ITGA4: variants seen among roughly 807,000 people sequenced by gnomAD.
The protein encoded by ITGA4 is integrin alpha-4.
Under a neutral mutation model 133.6 loss-of-function variants are expected in ITGA4, and 63 were observed. That is an observed-to-expected ratio of 0.47 (90% CI 0.38 to 0.58). The LOEUF (loss-of-function observed/expected upper bound fraction) is 0.58. Ranked by LOEUF, ITGA4 falls within the 20% of genes least tolerant of loss-of-function variation. The probability of loss-of-function intolerance (pLI) is 0.00; values close to 1 mark genes in which losing one functional copy is unlikely to be tolerated. For missense variants in ITGA4, 1,076 were observed against 1,252.7 expected, an observed-to-expected ratio of 0.86 and a Z score of 2.13; for synonymous variants, 483 against 438.0, an observed-to-expected ratio of 1.10 and a Z score of -1.28.
chr2:181,537,672 A>C lies in ITGA4; in HGVS notation c.*2145A>C, dbSNP rs200675283. 35 of 433,856 alleles carry C rather than the reference A, an allele frequency of 8.1e-5. No individual in the cohort carries two copies. The highest frequency in any genetic ancestry group is 2.3e-4 in the Admixed American group (9 of 38,642). 26.9% of individuals were successfully genotyped at this position (433,856 alleles called of 1,614,324 possible). A position where few individuals can be genotyped will look rare whatever the true frequency, so the allele number is the denominator to read the frequency against. On this transcript the variant is annotated 3_prime_UTR_variant, in exon 28 of 28. Coordinates refer to ENST00000397033, the MANE Select transcript of ITGA4 (RefSeq NM_000885.6). ...AAAGAATCCAAATTATTTCAGAATT[A>C]TCTAGGTTAAATATTGATGTATTAT...
In ITGA4 at chr2:181,526,821, C is replaced by CTT. The variant is rs538208494; in HGVS notation, c.2340-445_2340-444dup. Among the ~76,000 whole-genome samples the CTT allele has an allele frequency of 4.5e-3, 185 of 40,986 alleles. 42 individuals carry two copies. Among genetic ancestry groups the CTT allele is most frequent in the Non-Finnish European group, 5.7e-3 (104 of 18,330 alleles). The allele number at this position is 40,986 out of a possible 152,430, so 26.9% of individuals were successfully genotyped here. A position where few individuals can be genotyped will look rare whatever the true frequency, so the allele number is the denominator to read the frequency against. On this transcript the variant is annotated intron_variant, in intron 21 of 27. Coordinates refer to ENST00000397033, the MANE Select transcript of ITGA4 (RefSeq NM_000885.6). ...TGTCACCCAGGTCAGAGCACATGGCCTTTTTTTTTTTTTTTTTTTTTTTTT... is the reference window on the plus strand; with the variant it reads ...TGTCACCCAGGTCAGAGCACATGGCCTTTTTTTTTTTTTTTTTTTTTTTTTTT...
chr2:181,459,548 T>C (rs1422894833), intron 2 of ITGA4, among the ~76,000 whole-genome samples: 1 of 152,202 alleles, frequency 6.6e-6, no homozygotes, highest in African/African-American at 2.4e-5. Flanking sequence ...TACTTTTAAC[T>C]CAGAGCACCT....
At chr2:181,486,585 C>T (rs155105) in intron 10 of ITGA4, among the ~76,000 whole-genome samples, 6 of 152,026 alleles carry the variant, frequency 3.9e-5, no homozygotes, top group Non-Finnish European at 8.8e-5. Flanking sequence ...CTGATATTGA[C>T]GTTTTTTATT....
At chr2:181,474,936 T>C in intron 2 of ITGA4, 24 bp from the exon 3 acceptor site, 1 of 1,565,394 alleles carries the variant, frequency 6.4e-7, no homozygotes, top group Non-Finnish European at 8.8e-7. Flanking sequence ...ATACAACTGA[T>C]AAAATTATTT....
At chr2:181,529,169 T>C (rs1428495924) in intron 22 of ITGA4, among the ~76,000 whole-genome samples, 2 of 152,314 alleles carry the variant, frequency 1.3e-5, no homozygotes, top group East Asian at 3.9e-4. Context: ...CCTTAGCTGG[T>C]GAATACCAAA....
chr2:181,475,780 G>T, intron 4 of ITGA4: 1 of 1,572,564 alleles, frequency 6.4e-7, no homozygotes, highest in South Asian at 1.2e-5. Flanking sequence ...TTCGTGTCTT[G>T]AGTTTGAAAC....
rs1687052762 is a variant in ITGA4 at position 181,535,614 on chromosome 2, T to C, written c.*87T>C. The stretch of plus-strand genomic sequence containing the variant: ...GACACTGTTTACAAGAAAAAATGAA[T>C]TTTGTTTGGACTTCTTTTACTCATG... On this transcript the variant is annotated 3_prime_UTR_variant, in exon 28 of 28. Transcript: ENST00000397033. 2 of 1,470,814 alleles carry C rather than the reference T, an allele frequency of 1.4e-6. No individual in the cohort carries two copies. Among genetic ancestry groups the C allele is most frequent in the Non-Finnish European group, 1.8e-6 (2 of 1,106,536 alleles). 91.1% of individuals were successfully genotyped at this position (1,470,814 alleles called of 1,614,324 possible). A position where few individuals can be genotyped will look rare whatever the true frequency, so the allele number is the denominator to read the frequency against.
chr2:181,481,563 C>G (rs1337939828), intron 6 of ITGA4, 35 bp from the exon 7 acceptor site: 2 of 1,176,562 alleles, frequency 1.7e-6, no homozygotes, highest in African/African-American at 3.0e-5. Flanking sequence ...ATGTACTTTA[C>G]CCAGGACTCT....
intron 4 of ITGA4, 53 bp downstream of exon 4, chr2:181,475,341 T>C: frequency 7.2e-7 from 1 of 1,389,756 alleles, no homozygotes. Context: ...TGAATACCTT[T>C]TAGTGTTTTA....
chr2:181,503,334 C>A (rs150776440), intron 15 of ITGA4, among the ~76,000 whole-genome samples: 1 of 152,106 alleles, frequency 6.6e-6, no homozygotes, highest in African/African-American at 2.4e-5. Context: ...TATGCTAGAT[C>A]TTCTTGGACT....
At chr2:181,528,024 T>C (rs559946409) in intron 22 of ITGA4, among the ~76,000 whole-genome samples, 3 of 152,314 alleles carry the variant, frequency 2.0e-5, no homozygotes, top group Non-Finnish European at 2.9e-5. Context: ...TTAGTAAATA[T>C]AATTTCCAAA....
At chr2:181,515,683 C>T (rs1003096842) in intron 17 of ITGA4, among the ~76,000 whole-genome samples, 2 of 151,936 alleles carry the variant, frequency 1.3e-5, no homozygotes, top group Admixed American at 1.3e-4. Flanking sequence ...AAATGAGAGC[C>T]CTTCTAATTA....
chr2:181,531,334 CAACA>C (rs1377027766), intron 24 of ITGA4, among the ~76,000 whole-genome samples: 12 of 151,946 alleles, frequency 7.9e-5, no homozygotes, highest in Admixed American at 6.6e-5. Flanking sequence ...CCACGTTTTA[CAACA>C]AACAAAGAAT....
At chr2:181,473,539 C>T (rs1685604266) in intron 2 of ITGA4, among the ~76,000 whole-genome samples, 1 of 152,214 alleles carries the variant, frequency 6.6e-6, no homozygotes, top group Non-Finnish European at 1.5e-5. Context: ...ATTTTCTTCA[C>T]TTCAGTTGTG....
Position 181,523,886 on chromosome 2 carries a change from C to T in ITGA4, c.2170-285C>T, listed in dbSNP as rs1686779331. ...AAAAAGGTGTTTTTGGCAAGAGTCTCCACTCAAGTTGTGAAAGCATTTCTA... is the reference window on the plus strand; with the variant it reads ...AAAAAGGTGTTTTTGGCAAGAGTCTTCACTCAAGTTGTGAAAGCATTTCTA... On this transcript the variant is annotated intron_variant, in intron 19 of 27. Coordinates refer to ENST00000397033, the MANE Select transcript of ITGA4 (RefSeq NM_000885.6). The surrounding 1 kb of genome is among the most constrained non-coding windows in gnomAD (Gnocchi z 4.2). Among the ~76,000 whole-genome samples, 1 of 152,126 alleles carries T rather than the reference C, an allele frequency of 6.6e-6. No individual in the cohort carries two copies. The highest frequency in any genetic ancestry group is 1.5e-5 in the Non-Finnish European group (1 of 68,018).
chr2:181,500,457 C>T (rs1559048567), intron 15 of ITGA4, among the ~76,000 whole-genome samples: 1 of 152,124 alleles, frequency 6.6e-6, no homozygotes, highest in Non-Finnish European at 1.5e-5. Flanking sequence ...TTTCTACAGT[C>T]TGAAAGCATA....
At chr2:181,534,720 TG>T in intron 26 of ITGA4, 95 bp from the exon 27 acceptor site, 2 of 1,045,192 alleles carry the variant, frequency 1.9e-6, no homozygotes, top group African/African-American at 1.6e-5. Context: ...TAAATACTAC[TG>T]GGGATTATGG....
rs1345221781 is a variant in ITGA4, at chr2:181,537,436, T to C, written c.*1909T>C. On this transcript the variant is annotated 3_prime_UTR_variant, in exon 28 of 28. Transcript: ENST00000397033. ...TTTGTTATCAACTTACTTTGTTACT[T>C]GTATCATGAATTTTAAAACCCTACC... The C allele has an allele frequency of 2.2e-6, 1 of 453,990 alleles. No individual in the cohort carries two copies. The highest frequency in any genetic ancestry group is 1.6e-5 in the South Asian group (1 of 64,464). The allele number at this position is 453,990 out of a possible 1,614,324, so 28.1% of individuals were successfully genotyped here.
intron 21 of ITGA4, among the ~76,000 whole-genome samples, chr2:181,526,818 G>T (rs573607897): frequency 2.0e-3 from 73 of 36,762 alleles, no homozygotes; most frequent in African/African-American, 4.3e-3. Context: ...CAGAGCACAT[G>T]GCCTTTTTTT....
Sources: allele counts gnomAD v4.1 joint callset (sites outside exome capture counted in the v4.1 genomes callset), GRCh38; gene constraint gnomAD v4.1.1; non-coding constraint Gnocchi (gnomAD v3.1); transcripts MANE v1.5; gene names NCBI Gene and HGNC (gene_info 2026-07-23, HGNC 2026-07-21).